Variants in PCSK2 observed in about 807,000 individuals in gnomAD.
The protein encoded by PCSK2 is proprotein convertase subtilisin/kexin type 2, also known as neuroendocrine convertase 2.
PCSK2 carries 14 observed loss-of-function variants against 69.7 expected under a neutral mutation model. The observed-to-expected ratio is 0.20, with a 90% CI of 0.13 to 0.31. The LOEUF is 0.31. PCSK2 is among the 10% of genes least tolerant of loss of function. The pLI, the probability that PCSK2 is intolerant of heterozygous loss-of-function variation, is 1.00. For missense variants in PCSK2, 544 were observed against 842.5 expected, an observed-to-expected ratio of 0.65 and a Z score of 4.39; for synonymous variants, 307 against 320.7, an observed-to-expected ratio of 0.96 and a Z score of 0.46.
At chr20:17,324,443 C>T (rs1989978519) in intron 2 of PCSK2, among the ~76,000 whole-genome samples, 1 of 152,156 alleles carries the variant, frequency 6.6e-6, no homozygotes, top group Admixed American at 6.5e-5. Context: ...ATCTGGGTAA[C>T]TAATGCAGAA....
chr20:17,394,850 T>C (rs2031473988), intron 5 of PCSK2, among the ~76,000 whole-genome samples: 3 of 152,208 alleles, frequency 2.0e-5, no homozygotes, highest in Admixed American at 1.3e-4. Context: ...TGGATTCCCA[T>C]CCCAAATGCT....
At chr20:17,476,047 G>A (rs374418914) in intron 11 of PCSK2, among the ~76,000 whole-genome samples, 55 of 152,290 alleles carry the variant, frequency 3.6e-4, no homozygotes, top group African/African-American at 1.3e-3. Flanking sequence ...TTCTGGGCCT[G>A]GCTGCTTGTC....
intron 6 of PCSK2, among the ~76,000 whole-genome samples, chr20:17,427,716 G>T (rs1209660179): frequency 6.6e-6 from 1 of 152,192 alleles, no homozygotes; most frequent in African/African-American, 2.4e-5. Context: ...GCTCACCCTT[G>T]TCTCCCTGGT....
intron 11 of PCSK2, among the ~76,000 whole-genome samples, chr20:17,473,689 C>T (rs577418540): frequency 6.6e-6 from 1 of 152,096 alleles, no homozygotes; most frequent in Non-Finnish European, 1.5e-5. Context: ...AAACAAGAAA[C>T]ATCTGGAAAA....
intron 10 of PCSK2, chr20:17,464,688 A>G (rs1235156187): frequency 2.0e-5 from 3 of 152,564 alleles, no homozygotes; most frequent in East Asian, 1.9e-4. Flanking sequence ...CTTTAGGCCA[A>G]CATGGTATTT....
chr20:17,418,876 C>A (rs570528004), intron 6 of PCSK2, among the ~76,000 whole-genome samples: 1 of 152,320 alleles, frequency 6.6e-6, no homozygotes, highest in African/African-American at 2.4e-5. Context: ...TGCTGAGCAG[C>A]GATAGGCTTG....
At chr20:17,349,472 C>G (rs984147584) in intron 2 of PCSK2, among the ~76,000 whole-genome samples, 20 of 152,164 alleles carry the variant, frequency 1.3e-4, no homozygotes, top group African/African-American at 4.3e-4. Context: ...TATCTGGTGC[C>G]CAGCTCTGTG....
chr20:17,473,098 T>C (rs1029055727), intron 11 of PCSK2, among the ~76,000 whole-genome samples: 37 of 140,354 alleles, frequency 2.6e-4, no homozygotes, highest in Non-Finnish European at 5.1e-4. Context: ...TTTTTTTTTT[T>C]TTTTTTTTTT....
chr20:17,333,460 A>G (rs1448930261), intron 2 of PCSK2, among the ~76,000 whole-genome samples: 1 of 152,166 alleles, frequency 6.6e-6, no homozygotes, highest in Non-Finnish European at 1.5e-5. Context: ...TCCAAAGGAA[A>G]CAAGAGACAC....
chr20:17,269,046 T>C (rs143593545), intron 2 of PCSK2, among the ~76,000 whole-genome samples: 1 of 152,294 alleles, frequency 6.6e-6, no homozygotes, highest in East Asian at 1.9e-4. Context: ...GACAAGATGG[T>C]GAGAGGAGCA....
intron 2 of PCSK2, among the ~76,000 whole-genome samples, chr20:17,306,728 A>C (rs1989339193): frequency 6.6e-6 from 1 of 152,216 alleles, no homozygotes; most frequent in African/African-American, 2.4e-5. Flanking sequence ...TGACTCCAGA[A>C]TCTTTTTAAC....
At chr20:17,348,050 G>GGAAAGAAA (rs200387593) in intron 2 of PCSK2, among the ~76,000 whole-genome samples, 2,774 of 86,532 alleles carry the variant, frequency 0.032, 66 homozygotes, top group African/African-American at 0.036. Flanking sequence ...AAGAAAGAAA[G>GGAAAGAAA]GAAAGAAAGA....
chr20:17,399,340 T>C (rs1194555138), intron 5 of PCSK2, among the ~76,000 whole-genome samples: 1 of 152,240 alleles, frequency 6.6e-6, no homozygotes, highest in Non-Finnish European at 1.5e-5. Context: ...CACTATACAC[T>C]TTTGCTACTG....
chr20:17,357,137 T>A (rs912147553), intron 2 of PCSK2, among the ~76,000 whole-genome samples: 5 of 152,360 alleles, frequency 3.3e-5, no homozygotes, highest in African/African-American at 1.2e-4. Context: ...TAAATTAGTC[T>A]TTGTCCAAGT....
chr20:17,361,192 T>C (rs2030380720), intron 4 of PCSK2, among the ~76,000 whole-genome samples: 3 of 152,216 alleles, frequency 2.0e-5, no homozygotes, highest in Admixed American at 1.3e-4. Flanking sequence ...TCTACATCCA[T>C]AAAACAGCTT....
intron 11 of PCSK2, among the ~76,000 whole-genome samples, chr20:17,478,583 A>G (rs999578941): frequency 6.6e-6 from 1 of 152,244 alleles, no homozygotes; most frequent in Non-Finnish European, 1.5e-5. Flanking sequence ...TAGTTGATAG[A>G]AAATTTTTAA....
intron 1 of PCSK2, among the ~76,000 whole-genome samples, chr20:17,250,751 C>T (rs1304517080): frequency 2.0e-5 from 3 of 152,062 alleles, no homozygotes; most frequent in South Asian, 2.1e-4. Flanking sequence ...AAGATATGTT[C>T]CTCTGATACC....
At chr20:17,425,053 G>A (rs1386919239) in intron 6 of PCSK2, among the ~76,000 whole-genome samples, 2 of 152,134 alleles carry the variant, frequency 1.3e-5, no homozygotes, top group African/African-American at 4.8e-5. Context: ...TGGGATTACA[G>A]GAGTGAGCCA....
At position 17,330,389 on chromosome 20, in the gene PCSK2, C is replaced by A. The variant is rs1034101924; in HGVS notation, c.283-27938C>A. On this transcript the variant is annotated intron_variant, in intron 2 of 11. Transcript: ENST00000262545. ...CGGGAGTATTAAGAGGTCAGGAGTT[C>A]GAGACCAGCCTGACCAACATGGCGA... Among the ~76,000 whole-genome samples the A allele has an allele frequency of 8.2e-4, 125 of 152,006 alleles. 1 individual carries two copies. Among genetic ancestry groups the A allele is most frequent in the African/African-American group, 2.8e-3 (117 of 41,456 alleles).
Sources: gnomAD v4.1 joint callset for allele counts (sites outside exome capture counted in the v4.1 genomes callset) on GRCh38, gnomAD v4.1.1 for gene constraint, MANE v1.5 for transcripts, NCBI Gene and HGNC (gene_info 2026-07-23, HGNC 2026-07-21) for gene names.